NALF1: variants seen among roughly 807,000 people sequenced by gnomAD.
NALF1 encodes family with sequence similarity 155 member A.
A neutral mutation model predicts 48.4 loss-of-function variants in NALF1; 3 were observed. The ratio of observed to expected loss-of-function variants is 0.06; its 90% CI spans 0.03 to 0.16. The LOEUF is 0.16. Among genes scored for constraint, NALF1 ranks in the 10% least tolerant of loss-of-function variants. The pLI is 1.00. For missense variants in NALF1, 526 were observed against 571.5 expected, an observed-to-expected ratio of 0.92 and a Z score of 0.81; for synonymous variants, 262 against 245.7, an observed-to-expected ratio of 1.07 and a Z score of -0.62.
At chr13:107,498,719 T>C (rs1436041930) in intron 1 of NALF1, among the ~76,000 whole-genome samples, 2 of 152,178 alleles carry the variant, frequency 1.3e-5, no homozygotes, top group Non-Finnish European at 2.9e-5. Flanking sequence ...AAGTAGGAGT[T>C]TGAATTTTAT....
intron 1 of NALF1, among the ~76,000 whole-genome samples, chr13:107,803,779 C>T (rs1314339883): frequency 1.3e-5 from 2 of 152,134 alleles, no homozygotes; most frequent in African/African-American, 2.4e-5. Context: ...ATAAACCAGG[C>T]AATTGCATCT....
intron 1 of NALF1, among the ~76,000 whole-genome samples, chr13:107,572,021 C>T (rs1021091048): frequency 1.3e-5 from 2 of 152,080 alleles, no homozygotes; most frequent in African/African-American, 4.8e-5. Flanking sequence ...TACCTTAGCA[C>T]GTCAACTATC....
At chr13:107,482,050 G>A (rs552757467) in intron 1 of NALF1, among the ~76,000 whole-genome samples, 59 of 152,208 alleles carry the variant, frequency 3.9e-4, no homozygotes, top group South Asian at 1.7e-3. Context: ...CTATCTAGAT[G>A]TCACTGTGAA....
chr13:107,507,997 G>A (rs1208464153), intron 1 of NALF1, among the ~76,000 whole-genome samples: 2 of 151,940 alleles, frequency 1.3e-5, no homozygotes, highest in Non-Finnish European at 1.5e-5. Flanking sequence ...AAATGAATTA[G>A]CCTCAGCAAT....
At chr13:107,677,038 G>A (rs1881149065) in intron 1 of NALF1, among the ~76,000 whole-genome samples, 1 of 106,950 alleles carries the variant, frequency 9.4e-6, no homozygotes, top group South Asian at 2.9e-4. Flanking sequence ...AATAGTCCTT[G>A]TTTGTTTTGT....
At position 107,166,720 on chromosome 13, in the gene NALF1, A is replaced by T. The variant is rs1878667284; in HGVS notation, c.*3777T>A. 6.6e-6 allele frequency: 1 copy of T among 152,062 alleles called. No individual in the cohort carries two copies. The highest frequency in any genetic ancestry group is 1.5e-5 in the Non-Finnish European group (1 of 68,006). 9.4% of individuals were successfully genotyped at this position (152,062 alleles called of 1,614,324 possible). Reference sequence around the variant, plus strand: ...GAAAAAAGTATGTACTTATTCATTCATATGAAACCTCCTTTCCCCCTCATT... The same window carrying T: ...GAAAAAAGTATGTACTTATTCATTCTTATGAAACCTCCTTTCCCCCTCATT... On this transcript the variant is annotated 3_prime_UTR_variant, in exon 3 of 3. Coordinates refer to ENST00000375915, the MANE Select transcript of NALF1 (RefSeq NM_001080396.3).
chr13:107,677,231 G>C (rs551043587), intron 1 of NALF1, among the ~76,000 whole-genome samples: 1 of 152,278 alleles, frequency 6.6e-6, no homozygotes, highest in Non-Finnish European at 1.5e-5. Context: ...ATTTTTAGTA[G>C]AAACAGGGTT....
intron 1 of NALF1, among the ~76,000 whole-genome samples, chr13:107,507,110 T>C (rs1875720798): frequency 6.6e-6 from 1 of 152,150 alleles, no homozygotes; most frequent in African/African-American, 2.4e-5. Context: ...AAAACACAAG[T>C]ACTCTTCATT....
intron 1 of NALF1, among the ~76,000 whole-genome samples, chr13:107,485,860 A>G (rs1377701107): frequency 4.6e-5 from 7 of 152,226 alleles, no homozygotes; most frequent in Non-Finnish European, 1.0e-4. Flanking sequence ...CAGGGTATAG[A>G]GGATGGCTTT....
chr13:107,692,539 T>C (rs922424953), intron 1 of NALF1, among the ~76,000 whole-genome samples: 1 of 152,210 alleles, frequency 6.6e-6, no homozygotes, highest in Admixed American at 6.5e-5. Flanking sequence ...GAAATTACTT[T>C]AATTCTGGCT....
intron 1 of NALF1, among the ~76,000 whole-genome samples, chr13:107,735,079 G>A (rs558614722): frequency 6.6e-6 from 1 of 152,192 alleles, no homozygotes; most frequent in Non-Finnish European, 1.5e-5. Flanking sequence ...TATTCCACCA[G>A]GAAGCCTCGT....
intron 1 of NALF1, among the ~76,000 whole-genome samples, chr13:107,532,905 T>C (rs1876687790): frequency 6.6e-6 from 1 of 151,974 alleles, no homozygotes; most frequent in African/African-American, 2.4e-5. Flanking sequence ...TCAAAAAACA[T>C]CTTAAAGGTA....
chr13:107,804,365 C>A (rs531192108), intron 1 of NALF1, among the ~76,000 whole-genome samples: 32 of 152,094 alleles, frequency 2.1e-4, no homozygotes, highest in African/African-American at 7.7e-4. Flanking sequence ...GTTCTCATTC[C>A]TTCCCACTTC....
At chr13:107,277,185 GA>G (rs752823918) in intron 1 of NALF1, among the ~76,000 whole-genome samples, 2 of 152,072 alleles carry the variant, frequency 1.3e-5, no homozygotes, top group Non-Finnish European at 2.9e-5. Flanking sequence ...AAAAATTACA[GA>G]GTCACTTTTT....
chr13:107,395,597 G>A (rs1244876519), intron 1 of NALF1, among the ~76,000 whole-genome samples: 1 of 152,144 alleles, frequency 6.6e-6, no homozygotes, highest in Non-Finnish European at 1.5e-5. Context: ...TGGACAGCAA[G>A]TTTGCAGTTC....
In NALF1 at chr13:107,458,570, G is replaced by A. The variant is rs560114787; in HGVS notation, c.916-247815C>T. Among the ~76,000 whole-genome samples the A allele has an allele frequency of 9.2e-5, 14 of 152,268 alleles. 1 individual carries two copies. In the South Asian group the frequency reaches 1.7e-3, roughly 18 times the overall value. ...AGGTCCTCAGGGAGTGATGGGAAACGAGAGAGAAGCAGGCGAGCACAAGGT... is the reference window on the plus strand; with the variant it reads ...AGGTCCTCAGGGAGTGATGGGAAACAAGAGAGAAGCAGGCGAGCACAAGGT... On this transcript the variant is annotated intron_variant, in intron 1 of 2. Transcript: ENST00000375915.
At chr13:107,269,833 C>T (rs891977000) in intron 1 of NALF1, among the ~76,000 whole-genome samples, 2 of 150,756 alleles carry the variant, frequency 1.3e-5, no homozygotes, top group Non-Finnish European at 2.9e-5. Flanking sequence ...TTGCAAGCTC[C>T]GCCTCCCGGG....
At chr13:107,855,755 C>T (rs548820438) in intron 1 of NALF1, among the ~76,000 whole-genome samples, 3 of 152,148 alleles carry the variant, frequency 2.0e-5, no homozygotes, top group Non-Finnish European at 2.9e-5. Flanking sequence ...TGAGAATGTT[C>T]GCACACTCTT....
At chr13:107,724,516 G>A (rs1876091421) in intron 1 of NALF1, among the ~76,000 whole-genome samples, 1 of 152,204 alleles carries the variant, frequency 6.6e-6, no homozygotes, top group East Asian at 1.9e-4. Context: ...GAAAAACAAT[G>A]TATACAACAC....
Sources: gnomAD v4.1 joint callset for allele counts (sites outside exome capture counted in the v4.1 genomes callset) on GRCh38, gnomAD v4.1.1 for gene constraint, MANE v1.5 for transcripts, NCBI Gene and HGNC (gene_info 2026-07-23, HGNC 2026-07-21) for gene names.